The following PLEKHA5 variants were observed in gnomAD, a reference collection of about 807,000 sequenced individuals.
The protein encoded by PLEKHA5 is pleckstrin homology domain containing A5.
Under a neutral mutation model 181.9 loss-of-function variants are expected in PLEKHA5, and 55 were observed. That is an observed-to-expected ratio of 0.30 (90% CI 0.24 to 0.38). The LOEUF is 0.38. Ranked by LOEUF, PLEKHA5 falls within the 10% of genes least tolerant of loss-of-function variation. PLEKHA5 has a pLI of 1.00. For synonymous variants in PLEKHA5, 535 were observed against 529.4 expected, an observed-to-expected ratio of 1.01 and a Z score of -0.15; for missense variants, 1,432 against 1,549.5, an observed-to-expected ratio of 0.92 and a Z score of 1.27.
At chr12:19,195,532 T>C (rs1033397959) in intron 3 of PLEKHA5, among the ~76,000 whole-genome samples, 1 of 151,588 alleles carries the variant, frequency 6.6e-6, no homozygotes, top group African/African-American at 2.4e-5. Context: ...TAGCCGGGCG[T>C]GCTGGCACAC....
At chr12:19,369,010 A>T in intron 30 of PLEKHA5, among the ~76,000 whole-genome samples, 1 of 151,664 alleles carries the variant, frequency 6.6e-6, no homozygotes. Flanking sequence ...AATGTAAAGT[A>T]TTTTTTTTGT....
intron 8 of PLEKHA5, among the ~76,000 whole-genome samples, chr12:19,268,833 G>A (rs2071486987): frequency 6.6e-6 from 1 of 152,082 alleles, no homozygotes; most frequent in African/African-American, 2.4e-5. Context: ...CATTTTGTAG[G>A]TGGTTTTAAT....
Position 19,283,526 on chromosome 12 carries a change from A to T in PLEKHA5, c.1560A>T (p.Lys520Asn), listed in dbSNP as rs778580433. 2 of 1,614,202 alleles carry T rather than the reference A, an allele frequency of 1.2e-6. No individual in the cohort carries two copies. Among genetic ancestry groups the T allele is most frequent in the South Asian group, 2.2e-5 (2 of 91,086 alleles). The change falls in exon 12 of 32, where the codon AAA becomes AAT. Residue 520 changes from lysine (K) to asparagine (N), a missense_variant. Physicochemically the swap from Lys to Asn is moderately conservative, Grantham distance 94. Around this residue, in one of 2 missense-constraint regions of PLEKHA5, gnomAD observed 1,143 missense variants for 1,168.4 expected, o/e 0.98. Transcript: ENST00000429027. ...GGCAGCAGCGTCAGTTTTATAACAA[A>T]CAGAGCACCCTCCCTCGACACAGTA... ...YEWQQRQFYNKQSTLPRHSTL... is the reference protein window; with the variant it reads ...YEWQQRQFYNNQSTLPRHSTL...
At chr12:19,247,627 A>G (rs2152496472) in intron 3 of PLEKHA5, among the ~76,000 whole-genome samples, 2 of 152,196 alleles carry the variant, frequency 1.3e-5, no homozygotes, top group Admixed American at 1.3e-4. Context: ...TTAAAGTATC[A>G]GGCCTTTCAT....
chr12:19,347,592 A>G (rs2094400036), intron 24 of PLEKHA5, among the ~76,000 whole-genome samples: 1 of 152,086 alleles, frequency 6.6e-6, no homozygotes, highest in Admixed American at 6.6e-5. Context: ...GTCTAGGAAA[A>G]CTACTCAAAG....
chr12:19,316,436 G>GA (rs148121190), intron 16 of PLEKHA5, among the ~76,000 whole-genome samples: 14,073 of 151,704 alleles, frequency 0.093, 725 homozygotes, highest in Middle Eastern at 0.16. Flanking sequence ...CTGAGGGGGG[G>GA]GAAAGTGAAG....
chr12:19,137,579 C>T (rs1013078440), intron 3 of PLEKHA5, among the ~76,000 whole-genome samples: 1 of 152,106 alleles, frequency 6.6e-6, no homozygotes, highest in African/African-American at 2.4e-5. Context: ...TATATTAAAA[C>T]AGGGAGATGG....
intron 3 of PLEKHA5, chr12:19,153,612 A>G (rs1035468604): frequency 6.6e-6 from 1 of 152,142 alleles, no homozygotes; most frequent in Non-Finnish European, 1.5e-5. Flanking sequence ...CATCATTATC[A>G]CCCAAAGTTC....
rs2074041509 is a variant in PLEKHA5 at position 19,274,738 on chromosome 12, A to G, written c.1068A>G (p.Pro356=). 3 of 1,614,142 alleles carry G rather than the reference A, an allele frequency of 1.9e-6. No homozygotes were observed. The highest frequency in any genetic ancestry group is 1.3e-5 in the African/African-American group (1 of 75,066). ...ATAGTGTAAAGCTGAATTCTCTGCC[A>G]TCTGAATATGAGAGTGGGTCAGCAT... ...KINSVKLNSL[P]SEYESGSACP... The change falls in exon 11 of 32, where the codon CCA becomes CCG. Residue 356 remains proline, a synonymous_variant. Coordinates refer to ENST00000429027, the MANE Select transcript of PLEKHA5 (RefSeq NM_001256470.2).
intron 15 of PLEKHA5, among the ~76,000 whole-genome samples, chr12:19,305,688 G>A (rs867588564): frequency 2.6e-5 from 4 of 151,630 alleles, no homozygotes; most frequent in African/African-American, 7.3e-5. Context: ...GAGAAACCCC[G>A]TCTCTACTAA....
At chr12:19,209,459 T>G (rs942483129) in intron 3 of PLEKHA5, among the ~76,000 whole-genome samples, 1 of 152,192 alleles carries the variant, frequency 6.6e-6, no homozygotes, top group African/African-American at 2.4e-5. Flanking sequence ...CATAGACCGC[T>G]TGATTGATTC....
At chr12:19,322,779 C>A in intron 20 of PLEKHA5, 112 bp downstream of exon 20, 1 of 656,384 alleles carries the variant, frequency 1.5e-6, no homozygotes, top group Non-Finnish European at 2.6e-6. Flanking sequence ...ATTATTATAG[C>A]AGAAAATATT....
chr12:19,327,219 C>A (rs921236435), intron 20 of PLEKHA5, among the ~76,000 whole-genome samples: 6 of 148,188 alleles, frequency 4.0e-5, no homozygotes, highest in Non-Finnish European at 7.4e-5. Flanking sequence ...ATTTCCTTTT[C>A]TCTGCAGTCT....
intron 3 of PLEKHA5, among the ~76,000 whole-genome samples, chr12:19,238,794 C>T: frequency 2.0e-5 from 1 of 49,782 alleles, no homozygotes; most frequent in Non-Finnish European, 4.1e-5. Context: ...GAAATTAAAT[C>T]TGGCCAAAAA....
chr12:19,300,589 A>ATGC (rs2081201403), intron 15 of PLEKHA5, among the ~76,000 whole-genome samples: 1 of 152,226 alleles, frequency 6.6e-6, no homozygotes, highest in Non-Finnish European at 1.5e-5. Flanking sequence ...GGATGCAAAG[A>ATGC]TAAGCCATGA....
At chr12:19,167,309 C>T (rs10841164) in intron 3 of PLEKHA5, among the ~76,000 whole-genome samples, 100,832 of 151,572 alleles carry the variant, frequency 0.67, 36,819 homozygotes, top group Non-Finnish European at 0.83. Context: ...CAGATGCAAT[C>T]GCTTGTTTGA....
chr12:19,237,042 A>G (rs577394834), intron 3 of PLEKHA5: 1 of 152,318 alleles, frequency 6.6e-6, no homozygotes, highest in Admixed American at 6.5e-5. Context: ...CTGGTGAGTA[A>G]TTCTTGTTAC....
rs760294670 is a variant in PLEKHA5, at chr12:19,360,713, G to A, written c.3484-869G>A. Among the ~76,000 whole-genome samples, 13 of 152,114 alleles carry A rather than the reference G, an allele frequency of 8.5e-5. No homozygotes were observed. The East Asian group carries it at 1.4e-3, about 16-fold the overall frequency. On this transcript the variant is annotated intron_variant, in intron 28 of 31. Transcript: ENST00000429027. ...GCTAGATTAAATTATCATTAATCCC[G>A]GTTAAGGAATCTTATATCCCAACAG...
At position 19,269,825 on chromosome 12, in the gene PLEKHA5, T is replaced by C; in HGVS notation, c.767T>C (p.Met256Thr). 2 of 1,611,932 alleles carry C rather than the reference T, an allele frequency of 1.2e-6. No individual in the cohort carries two copies. Among genetic ancestry groups the C allele is most frequent in the Non-Finnish European group, 8.5e-7 (1 of 1,178,104 alleles). The change falls in exon 9 of 32, where the codon ATG (methionine) becomes ACG (threonine). Residue 256 changes from methionine (M) to threonine (T), a missense_variant. Met to Thr is a moderately conservative substitution (Grantham distance 81). Coordinates refer to ENST00000429027, the MANE Select transcript of PLEKHA5 (RefSeq NM_001256470.2). ...TTCTGCACTGATACAGGAAAGGAAATGGAGTTGTGGATGAAAGCCATGTTA... is the reference window on the plus strand; with the variant it reads ...TTCTGCACTGATACAGGAAAGGAAACGGAGTTGTGGATGAAAGCCATGTTA... The part of the protein sequence containing the change: ...YYFCTDTGKE[M>T]ELWMKAMLDA...
Sources: gnomAD v4.1 joint callset for allele counts (sites outside exome capture counted in the v4.1 genomes callset) on GRCh38, gnomAD v4.1.1 for gene constraint, gnomAD v4.1.1 regional missense constraint, MANE v1.5 for transcripts, NCBI Gene and HGNC (gene_info 2026-07-23, HGNC 2026-07-21) for gene names.